Variants in PKLR observed in about 807,000 individuals in gnomAD.
The protein encoded by PKLR is pyruvate kinase L/R, also known as pyruvate kinase PKLR.
A neutral mutation model predicts 53.6 loss-of-function variants in PKLR; 38 were observed. The observed-to-expected ratio is 0.71, with a 90% CI of 0.55 to 0.93. PKLR has a LOEUF of 0.93. Ranked by LOEUF, PKLR falls within the 40% of genes least tolerant of loss-of-function variation. The pLI is 0.00. For missense variants in PKLR, 702 were observed against 787.3 expected, an observed-to-expected ratio of 0.89 and a Z score of 1.30; for synonymous variants, 328 against 316.2, an observed-to-expected ratio of 1.04 and a Z score of -0.39.
intron 2 of PKLR, among the ~76,000 whole-genome samples, chr1:155,298,568 C>T (rs1210605098): frequency 8.6e-5 from 13 of 151,722 alleles, no homozygotes; most frequent in Non-Finnish European, 1.5e-5. Flanking sequence ...CTCAGGTGAT[C>T]CGCCCGCCTC....
chr1:155,292,241 G>GA (rs57484820), intron 9 of PKLR, among the ~76,000 whole-genome samples: 16 of 138,102 alleles, frequency 1.2e-4, no homozygotes, highest in East Asian at 4.4e-4. Flanking sequence ...TCTGCATTAA[G>GA]AAAAAAAAAA....
At chr1:155,296,194 G>A (rs145930398) in intron 2 of PKLR, among the ~76,000 whole-genome samples, 1 of 152,286 alleles carries the variant, frequency 6.6e-6, no homozygotes, top group Non-Finnish European at 1.5e-5. Flanking sequence ...CTATGGGGCA[G>A]CTGCTAGCCG....
upstream of PKLR, among the ~76,000 whole-genome samples, chr1:155,302,385 C>A (rs1648066790): frequency 6.6e-6 from 1 of 151,806 alleles, no homozygotes; most frequent in Non-Finnish European, 1.5e-5. Context: ...TACAGGCATG[C>A]ACCACCACGC....
In PKLR at chr1:155,295,175, G is replaced by A. The variant is rs777667459; in HGVS notation, c.635C>T (p.Pro212Leu). 1 of 1,613,994 alleles carries A rather than the reference G, an allele frequency of 6.2e-7. No individual in the cohort carries two copies. The highest frequency in any genetic ancestry group is 8.5e-7 in the Non-Finnish European group (1 of 1,179,998). Reference protein sequence around the residue: ...VDYPNIVRVVPVGGRIYIDDG... With the variant: ...VDYPNIVRVVLVGGRIYIDDG... ...GTCAATGTAGATGCGGCCCCCCACC[G>A]GCACGACCCGGACAATATTGGGGTA... Residue 212 changes from proline (P) to leucine (L), a missense_variant, in exon 5 of 11, where the codon CCG (proline) becomes CTG (leucine). Physicochemically the swap from Pro to Leu is moderately conservative, Grantham distance 98. Around this residue, in one of 2 missense-constraint regions of PKLR, gnomAD observed 519 missense variants for 537.1 expected, o/e 0.97. Transcript: ENST00000342741. This position sits in a 1 kb window ranked among gnomAD's most constrained non-coding sequence, Gnocchi z 4.3.
At chr1:155,302,304 T>G (rs567212866), upstream of PKLR, among the ~76,000 whole-genome samples, 3 of 151,480 alleles carry the variant, frequency 2.0e-5, no homozygotes, top group Admixed American at 6.6e-5. Flanking sequence ...TGGCGTGATC[T>G]TGGCTCACTG....
rs761210207 is a variant in PKLR at position 155,295,220 on chromosome 1, G to A, written c.590C>T (p.Ala197Val). ...VDPAFRTRGNANTVWVDYPNI... is the reference protein window; with the variant it reads ...VDPAFRTRGNVNTVWVDYPNI... ...GGGGTAGTCCACCCACACGGTGTTC[G>A]CGTTCCCCCGCGTCCGGAACGCGGG... Residue 197 changes from alanine to valine, a missense_variant, in exon 5 of 11, where the codon GCG becomes GTG. Physicochemically the swap from Ala to Val is moderately conservative, Grantham distance 64. Coordinates refer to ENST00000342741, the MANE Select transcript of PKLR (RefSeq NM_000298.6). The surrounding 1 kb of genome is among the most constrained non-coding windows in gnomAD (Gnocchi z 4.3). The A allele has an allele frequency of 6.2e-7, 1 of 1,614,056 alleles. No individual in the cohort carries two copies. The highest frequency in any genetic ancestry group is 1.1e-5 in the South Asian group (1 of 91,080).
At chr1:155,300,380 G>T in intron 1 of PKLR, 100 bp from the exon 2 acceptor site, 1 of 880,798 alleles carries the variant, frequency 1.1e-6, no homozygotes, top group Non-Finnish European at 1.8e-6. Flanking sequence ...CTTATGAGCT[G>T]GGCATCATGC....
chr1:155,301,959 A>G (rs563580844), upstream of PKLR, among the ~76,000 whole-genome samples: 6 of 152,304 alleles, frequency 3.9e-5, no homozygotes, highest in East Asian at 1.2e-3. Context: ...GTTGCTGGAA[A>G]CACTGAAAGA....
intron 2 of PKLR, among the ~76,000 whole-genome samples, chr1:155,298,150 C>T (rs1431585703): frequency 6.6e-6 from 1 of 152,082 alleles, no homozygotes; most frequent in Non-Finnish European, 1.5e-5. Context: ...ATTCTCCTGC[C>T]TCAGCCTTCC....
In PKLR at chr1:155,293,480, G is replaced by C; in HGVS notation, c.1227C>G (p.Ala409=). The change falls in exon 8 of 11, where the codon GCC becomes GCG. Residue 409 remains alanine, a synonymous_variant. Coordinates refer to ENST00000342741, the MANE Select transcript of PKLR (RefSeq NM_000298.6). The surrounding 1 kb of genome is among the most constrained non-coding windows in gnomAD (Gnocchi z 4.2). ...CCGCTTCCACAGGGAAGTTGCCCTT[G>C]GCAGTCTCCCCTGACAGCATGATGC... is the stretch of plus-strand genomic sequence containing the variant. ...ADCIMLSGET[A]KGNFPVEAVK... The C allele has an allele frequency of 1.2e-6, 2 of 1,614,220 alleles. No homozygotes were observed. Among genetic ancestry groups the C allele is most frequent in the Non-Finnish European group, 1.7e-6 (2 of 1,180,050 alleles).
intron 7 of PKLR, among the ~76,000 whole-genome samples, 170 bp downstream of exon 7, chr1:155,294,065 G>A (rs780615478): frequency 1.9e-4 from 29 of 152,180 alleles, no homozygotes; most frequent in African/African-American, 4.3e-4. Flanking sequence ...CCCAAGAGGC[G>A]GAGGTTGCAG....
chr1:155,298,965 T>G (rs1028341843), intron 2 of PKLR, among the ~76,000 whole-genome samples: 15 of 57,646 alleles, frequency 2.6e-4, no homozygotes, highest in African/African-American at 1.5e-3. Context: ...TTTCTTTCTT[T>G]CTTTCTTTCT....
intron 2 of PKLR, among the ~76,000 whole-genome samples, chr1:155,299,035 T>A (rs1647815259): frequency 2.0e-5 from 1 of 50,442 alleles, no homozygotes; most frequent in Non-Finnish European, 3.3e-5. Flanking sequence ...TCTTTCTTTC[T>A]CTTTCTTTCT....
chr1:155,291,166 G>A (rs967422556), intron 10 of PKLR, among the ~76,000 whole-genome samples: 4 of 151,998 alleles, frequency 2.6e-5, no homozygotes, highest in Admixed American at 6.6e-5. Flanking sequence ...TATGTCCCAC[G>A]GGTGGCATGC....
intron 2 of PKLR, among the ~76,000 whole-genome samples, chr1:155,298,958 C>CTT (rs1374196935): frequency 9.8e-5 from 2 of 20,388 alleles, no homozygotes; most frequent in African/African-American, 2.8e-4. Flanking sequence ...TCACTCCTTT[C>CTT]TTTCTTTCTT....
At position 155,300,223 on chromosome 1, in the gene PKLR, G is replaced by A; in HGVS notation, c.158C>T (p.Thr53Ile). ...SVAQLTQELG[T>I]AFFQQQQLPA... Reference sequence around the variant, plus strand: ...CAGCTGCTGCTGCTGGAAGAAGGCAGTGCCCAGCTCCTGGGTCAGTTGGGC... The same window carrying A: ...CAGCTGCTGCTGCTGGAAGAAGGCAATGCCCAGCTCCTGGGTCAGTTGGGC... The change falls in exon 2 of 11, where the codon ACT becomes ATT. Residue 53 changes from threonine (T) to isoleucine (I), a missense_variant. By Grantham distance (89) the Thr-to-Ile change is moderately conservative. This residue lies in a region of PKLR where 519 missense variants were observed against 537.1 expected (regional missense o/e 0.97). Coordinates refer to ENST00000342741, the MANE Select transcript of PKLR (RefSeq NM_000298.6). 1 of 1,613,028 alleles carries A rather than the reference G, an allele frequency of 6.2e-7. No individual in the cohort carries two copies. The highest frequency in any genetic ancestry group is 8.5e-7 in the Non-Finnish European group (1 of 1,179,594).
At chr1:155,301,054 C>G in intron 1 of PKLR, 1 of 1,539,508 alleles carries the variant, frequency 6.5e-7, no homozygotes, top group Non-Finnish European at 8.8e-7. Flanking sequence ...GGGCCAGAGT[C>G]CAGGAACCAC....
chr1:155,305,847 G>A (rs796918197), upstream of PKLR, among the ~76,000 whole-genome samples: 6 of 143,450 alleles, frequency 4.2e-5, no homozygotes, highest in African/African-American at 1.3e-4. Context: ...GTTTCACCAC[G>A]TTGTCCAGGC....
At chr1:155,307,625 C>CTGTA in the PKLR span, among the ~76,000 whole-genome samples, 1 of 152,232 alleles carries the variant, frequency 6.6e-6, no homozygotes, top group African/African-American at 2.4e-5. Context: ...AGGGAGTTAA[C>CTGTA]TGTATATGGT....
Sources: gnomAD v4.1 joint callset for allele counts (sites outside exome capture counted in the v4.1 genomes callset) on GRCh38, gnomAD v4.1.1 for gene constraint, gnomAD v4.1.1 regional missense constraint, Gnocchi (gnomAD v3.1) non-coding constraint, MANE v1.5 for transcripts, NCBI Gene and HGNC (gene_info 2026-07-23, HGNC 2026-07-21) for gene names.